SEMA5B: variants seen among roughly 807,000 people sequenced by gnomAD.
The protein encoded by SEMA5B is semaphorin-5B.
A neutral mutation model predicts 135.0 loss-of-function variants in SEMA5B; 66 were observed. The ratio of observed to expected loss-of-function variants is 0.49; its 90% CI spans 0.40 to 0.60. The LOEUF (loss-of-function observed/expected upper bound fraction) is 0.60. Among genes scored for constraint, SEMA5B ranks in the 20% least tolerant of loss-of-function variants. The probability of loss-of-function intolerance (pLI) is 0.00; values close to 1 mark genes in which losing one functional copy is unlikely to be tolerated. For missense variants in SEMA5B, 1,501 were observed against 1,566.3 expected (o/e 0.96, Z 0.70); for synonymous variants, 690 against 639.5 (o/e 1.08, Z -1.19).
At chr3:122,954,984 G>C (rs1055146577) in intron 2 of SEMA5B, among the ~76,000 whole-genome samples, 1 of 127,834 alleles carries the variant, frequency 7.8e-6, no homozygotes, top group Non-Finnish European at 1.7e-5. Flanking sequence ...TTTTTTTTTT[G>C]TAGAAACAGA....
At chr3:123,018,938 GA>G (rs1324226891) in intron 1 of SEMA5B, among the ~76,000 whole-genome samples, 3 of 152,192 alleles carry the variant, frequency 2.0e-5, no homozygotes, top group Admixed American at 6.5e-5. Context: ...TGAGGAGCAA[GA>G]AAAGTTTTCT....
intron 12 of SEMA5B, among the ~76,000 whole-genome samples, chr3:122,916,544 CA>C (rs1462961348): frequency 6.6e-6 from 1 of 152,146 alleles, no homozygotes; most frequent in Non-Finnish European, 1.5e-5. Context: ...TGTACCAAGG[CA>C]AGGAGATAAG....
Position 122,943,519 on chromosome 3 carries a change from G to T in SEMA5B, c.345C>A (p.Val115=). The T allele has an allele frequency of 6.2e-7, 1 of 1,608,788 alleles. No homozygotes were observed. The highest frequency in any genetic ancestry group is 8.5e-7 in the Non-Finnish European group (1 of 1,178,296). Reference sequence around the variant, plus strand: ...GGGCTCCAGGGTAGGTGAAGTTAGAGACCCACGGCTGCAGGTCTGGTGGAG... The same window carrying T: ...GGGCTCCAGGGTAGGTGAAGTTAGATACCCACGGCTGCAGGTCTGGTGGAG... ...TVAFEDLQPW[V]SNFTYPGARD... is the part of the protein sequence containing the mutation. Residue 115 remains valine, a synonymous_variant, in exon 4 of 23, where the codon GTC becomes GTA. Coordinates refer to ENST00000357599, the MANE Select transcript of SEMA5B (RefSeq NM_001031702.4).
chr3:122,911,585 G>A (rs1293547053), intron 20 of SEMA5B, 50 bp from the exon 21 acceptor site: 3 of 1,574,606 alleles, frequency 1.9e-6, no homozygotes, highest in South Asian at 1.2e-5. Context: ...CGAGAGGAGG[G>A]GGGCCCTGCA....
chr3:122,921,875 C>A, intron 12 of SEMA5B, 40 bp downstream of exon 12: 2 of 1,498,902 alleles, frequency 1.3e-6, no homozygotes, highest in Non-Finnish European at 1.8e-6. Context: ...AGCGCCTCCT[C>A]CGCAGTGGAG....
rs747202694 is a variant in SEMA5B, at chr3:122,912,256, T to G, written c.2812A>C (p.Thr938Pro). ...GGHYQRTRSC[T>P]SPAPSPGEDI... ...TCACCTGGGGAGGGTGCGGGGCTGGTGCAGGAACGGGTGCGTTGATAGTGA... is the reference window on the plus strand; with the variant it reads ...TCACCTGGGGAGGGTGCGGGGCTGGGGCAGGAACGGGTGCGTTGATAGTGA... The change falls in exon 19 of 23, where the codon ACC becomes CCC. Residue 938 changes from threonine to proline, a missense_variant. Physicochemically the swap from Thr to Pro is conservative, Grantham distance 38. This residue lies in a region of SEMA5B where 927 missense variants were observed against 881.6 expected (regional missense o/e 1.05). Coordinates refer to ENST00000357599, the MANE Select transcript of SEMA5B (RefSeq NM_001031702.4). The G allele has an allele frequency of 6.2e-7, 1 of 1,612,138 alleles. No individual in the cohort carries two copies. The highest frequency in any genetic ancestry group is 8.5e-7 in the Non-Finnish European group (1 of 1,179,080).
At chr3:122,977,453 CTATATTTTTACTTGCT>C (rs773595669) in intron 1 of SEMA5B, among the ~76,000 whole-genome samples, 5 of 152,154 alleles carry the variant, frequency 3.3e-5, no homozygotes, top group Non-Finnish European at 4.4e-5. Flanking sequence ...ATTGGACAAC[CTATATTTTTACTTGCT>C]AAGTCTGGCA....
At chr3:123,024,170 T>A (rs977947519) in intron 1 of SEMA5B, among the ~76,000 whole-genome samples, 3 of 152,232 alleles carry the variant, frequency 2.0e-5, no homozygotes, top group African/African-American at 7.2e-5. Context: ...TCATTGGATA[T>A]AAGAGGGTGA....
At chr3:122,924,493 G>A (rs911911290) in intron 9 of SEMA5B, among the ~76,000 whole-genome samples, 1 of 152,138 alleles carries the variant, frequency 6.6e-6, no homozygotes, top group African/African-American at 2.4e-5. Context: ...TCTCCACATG[G>A]CAGCCAGAGT....
chr3:122,910,768 C>G (rs530617461), intron 22 of SEMA5B, 72 bp downstream of exon 22: 2 of 1,242,244 alleles, frequency 1.6e-6, no homozygotes, highest in Admixed American at 4.8e-5. Context: ...CGAGATCCCA[C>G]CACTGCACTC....
Position 122,928,516 on chromosome 3 carries a change from C to T in SEMA5B, c.636+1G>A, listed in dbSNP as rs1160678072. The T allele has an allele frequency of 6.4e-7, 1 of 1,555,464 alleles. No individual in the cohort carries two copies. The highest frequency in any genetic ancestry group is 8.7e-7 in the Non-Finnish European group (1 of 1,149,514). On this transcript the variant is annotated splice_donor_variant, in intron 7 of 22. Coordinates refer to ENST00000357599, the MANE Select transcript of SEMA5B (RefSeq NM_001031702.4). LOFTEE classifies it high-confidence loss of function. ...AGTCTCCTCCACCCTGAGGTGCCCACCTGTCTGCTGGTGCACATGGGGGAA... is the reference window on the plus strand; with the variant it reads ...AGTCTCCTCCACCCTGAGGTGCCCATCTGTCTGCTGGTGCACATGGGGGAA...
At chr3:122,954,968 T>A (rs1021519451) in intron 2 of SEMA5B, among the ~76,000 whole-genome samples, 1 of 139,850 alleles carries the variant, frequency 7.2e-6, no homozygotes, top group Non-Finnish European at 1.6e-5. Flanking sequence ...ATTTTGTTTT[T>A]TGTTTTTTTT....
chr3:123,014,725 A>T (rs139005787), intron 1 of SEMA5B, among the ~76,000 whole-genome samples: 122 of 152,340 alleles, frequency 8.0e-4, no homozygotes, highest in African/African-American at 2.8e-3. Context: ...TATCTTCATC[A>T]GCTGGAAAGG....
At chr3:122,957,486 G>A (rs1319530851) in intron 2 of SEMA5B, among the ~76,000 whole-genome samples, 1 of 152,248 alleles carries the variant, frequency 6.6e-6, no homozygotes. Flanking sequence ...CCGACAAGGA[G>A]GTCCTCTCCA....
intron 2 of SEMA5B, among the ~76,000 whole-genome samples, chr3:122,952,021 C>T (rs1940070638): frequency 6.6e-6 from 1 of 152,216 alleles, no homozygotes; most frequent in African/African-American, 2.4e-5. Context: ...CTGACCCCTT[C>T]TCCCCCCACT....
intron 1 of SEMA5B, among the ~76,000 whole-genome samples, chr3:122,980,997 T>A (rs552678336): frequency 1.6e-4 from 25 of 152,376 alleles, no homozygotes; most frequent in Middle Eastern, 3.4e-3. Context: ...CCTTAAATTA[T>A]TTTTTAAAGC....
chr3:123,007,379 G>A (rs1942339839), intron 1 of SEMA5B, among the ~76,000 whole-genome samples: 1 of 152,186 alleles, frequency 6.6e-6, no homozygotes, highest in South Asian at 2.1e-4. Flanking sequence ...ACCCTCACTT[G>A]AGAGCTAAGT....
At chr3:122,953,297 G>A (rs1228448583) in intron 2 of SEMA5B, among the ~76,000 whole-genome samples, 4 of 152,054 alleles carry the variant, frequency 2.6e-5, no homozygotes, top group African/African-American at 9.7e-5. Flanking sequence ...CAGCTTCAGA[G>A]CCCCAGGCCT....
chr3:122,976,249 A>T, intron 1 of SEMA5B: 1 of 1,263,962 alleles, frequency 7.9e-7, no homozygotes, highest in South Asian at 1.5e-5. Context: ...TTAAAATGCA[A>T]ATTCTCAGGC....
Sources: allele counts gnomAD v4.1 joint callset (sites outside exome capture counted in the v4.1 genomes callset), GRCh38; gene constraint gnomAD v4.1.1; regional missense constraint gnomAD v4.1.1; transcripts MANE v1.5; gene names NCBI Gene and HGNC (gene_info 2026-07-23, HGNC 2026-07-21).